The following ZMYM2 variants were observed in gnomAD, a reference collection of about 807,000 sequenced individuals.
ZMYM2 encodes the protein zinc finger MYM-type containing 2.
In ZMYM2, 56 loss-of-function variants were observed where a neutral mutation model predicts 162.8. The observed-to-expected ratio is 0.34, with a 90% confidence interval of 0.28 to 0.43. The LOEUF (loss-of-function observed/expected upper bound fraction) is 0.43. Ranked by LOEUF, ZMYM2 falls within the 20% of genes least tolerant of loss-of-function variation. The pLI, the probability that ZMYM2 is intolerant of heterozygous loss-of-function variation, is 1.00. For synonymous variants in ZMYM2, 510 were observed against 541.6 expected (o/e 0.94, Z 0.81); for missense variants, 1,275 against 1,621.8 (o/e 0.79, Z 3.67).
the ZMYM2 span, among the ~76,000 whole-genome samples, chr13:19,911,868 A>G: frequency 6.6e-6 from 1 of 152,244 alleles, no homozygotes; most frequent in Non-Finnish European, 1.5e-5. Context: ...ATCATAAAGC[A>G]AAAGCAAAAA....
chr13:20,073,256 G>C (rs1957226898), intron 21 of ZMYM2, among the ~76,000 whole-genome samples: 1 of 152,056 alleles, frequency 6.6e-6, no homozygotes, highest in Non-Finnish European at 1.5e-5. Flanking sequence ...CAACTTTTTC[G>C]TAAAGGGCAA....
the ZMYM2 span, among the ~76,000 whole-genome samples, chr13:19,885,956 T>TATATGTGTATACAC: frequency 2.6e-5 from 2 of 77,808 alleles, 1 homozygote; most frequent in African/African-American, 7.9e-5. Flanking sequence ...TATATACACA[T>TATATGTGTATACAC]ATATATGTGT....
At chr13:19,935,971 T>C in the ZMYM2 span, among the ~76,000 whole-genome samples, 3 of 152,226 alleles carry the variant, frequency 2.0e-5, no homozygotes, top group African/African-American at 4.8e-5. Context: ...CAGAAAACGT[T>C]ATGCTAGTAA....
the ZMYM2 span, among the ~76,000 whole-genome samples, chr13:19,946,623 T>C: frequency 6.6e-6 from 1 of 152,238 alleles, no homozygotes; most frequent in African/African-American, 2.4e-5. Flanking sequence ...GTAGAGAGTA[T>C]ACATCCCATG....
chr13:19,883,963 C>T, the ZMYM2 span, among the ~76,000 whole-genome samples: 49 of 152,262 alleles, frequency 3.2e-4, no homozygotes, highest in Admixed American at 6.5e-4. Flanking sequence ...CACCATGTTG[C>T]GCAGAATGGT....
chr13:19,881,388 G>C, the ZMYM2 span, among the ~76,000 whole-genome samples: 2 of 151,990 alleles, frequency 1.3e-5, no homozygotes, highest in African/African-American at 4.8e-5. Context: ...CTGGGAGGCT[G>C]AGGTGGGCGG....
At chr13:20,019,468 T>C in intron 6 of ZMYM2, 79 bp from the exon 7 acceptor site, 1 of 1,263,992 alleles carries the variant, frequency 7.9e-7, no homozygotes. Context: ...AAGCAACTTT[T>C]ACATAATGCT....
chr13:19,909,141 T>G, the ZMYM2 span, among the ~76,000 whole-genome samples: 1 of 152,242 alleles, frequency 6.6e-6, no homozygotes, highest in African/African-American at 2.4e-5. Flanking sequence ...TTTATGTTTA[T>G]ATAATTTTTT....
the ZMYM2 span, among the ~76,000 whole-genome samples, chr13:19,867,775 G>A: frequency 7.2e-5 from 11 of 152,072 alleles, no homozygotes; most frequent in Admixed American, 5.9e-4. Context: ...ACAGGCATGC[G>A]CCACCACGTC....
chr13:19,938,910 G>T, the ZMYM2 span, among the ~76,000 whole-genome samples: 1 of 151,528 alleles, frequency 6.6e-6, no homozygotes, highest in African/African-American at 2.4e-5. Flanking sequence ...TGCCCAGTGG[G>T]AACTCTCATT....
chr13:19,940,752 G>A, the ZMYM2 span, among the ~76,000 whole-genome samples: 1 of 152,120 alleles, frequency 6.6e-6, no homozygotes, highest in Non-Finnish European at 1.5e-5. Flanking sequence ...GGATGAAAAT[G>A]TATATTTTTC....
At chr13:19,946,177 A>G in the ZMYM2 span, among the ~76,000 whole-genome samples, 1 of 152,244 alleles carries the variant, frequency 6.6e-6, no homozygotes, top group African/African-American at 2.4e-5. Context: ...CCCTACGACA[A>G]TTCCCCACAA....
At position 19,987,649 on chromosome 13, in the gene ZMYM2, GTGTGTGTGTA is replaced by G. The variant is rs1555288040; in HGVS notation, c.-10-5412_-10-5403del. Among the ~76,000 whole-genome samples, 80 of 149,804 alleles carry G rather than the reference GTGTGTGTGTA, an allele frequency of 5.3e-4. No individual in the cohort carries two copies. In the Middle Eastern group the frequency reaches 0.01, roughly 19 times the overall value. On this transcript the variant is annotated intron_variant, in intron 2 of 24. Transcript: ENST00000610343. ...TGTGTGTGTGTGTGTGTGTGTGTGT[GTGTGTGTGTA>G]TAGGAAAGATGGGGTTTTGTCATGT...
At position 20,027,230 on chromosome 13, in the gene ZMYM2, A is replaced by G; in HGVS notation, c.1763A>G (p.Lys588Arg). 1 of 1,580,790 alleles carries G rather than the reference A, an allele frequency of 6.3e-7. No homozygotes were observed. The highest frequency in any genetic ancestry group is 8.6e-7 in the Non-Finnish European group (1 of 1,161,696). ...TTGGGAATTATTTGCCATTTTTGTAAGCGAAACTCTTTACCTCAATACCAA... is the reference window on the plus strand; with the variant it reads ...TTGGGAATTATTTGCCATTTTTGTAGGCGAAACTCTTTACCTCAATACCAA... ...QSLGIICHFC[K>R]RNSLPQYQAT... Residue 588 changes from lysine (K) to arginine (R), a missense_variant, in exon 9 of 25, where the codon AAG becomes AGG. Around this residue, in one of 10 missense-constraint regions of ZMYM2, gnomAD observed 276 missense variants for 311.8 expected, o/e 0.89. Coordinates refer to ENST00000610343, the MANE Select transcript of ZMYM2 (RefSeq NM_197968.4).
At chr13:19,998,693 C>A (rs74035456) in intron 3 of ZMYM2, among the ~76,000 whole-genome samples, 1 of 152,062 alleles carries the variant, frequency 6.6e-6, no homozygotes. Context: ...GTTTTTGTTT[C>A]TCCAACTAAG....
chr13:19,957,258 A>G (rs988951779), upstream of ZMYM2, among the ~76,000 whole-genome samples: 2 of 152,214 alleles, frequency 1.3e-5, no homozygotes, highest in Admixed American at 1.3e-4. Flanking sequence ...TAAAAACTTC[A>G]TGTTCATCAA....
chr13:20,062,749 G>T, intron 17 of ZMYM2, 97 bp from the exon 18 acceptor site: 13 of 1,185,074 alleles, frequency 1.1e-5, no homozygotes, highest in African/African-American at 3.1e-5. Flanking sequence ...TTTTTATATT[G>T]CATTTAAAAT....
the ZMYM2 span, among the ~76,000 whole-genome samples, chr13:19,953,446 A>C: frequency 3.3e-5 from 5 of 152,210 alleles, no homozygotes; most frequent in African/African-American, 4.8e-5. Flanking sequence ...GCACTTTGGG[A>C]GGCTGAGGCG....
intron 4 of ZMYM2, 149 bp downstream of exon 4, chr13:20,003,284 A>G (rs1234566275): frequency 1.0e-5 from 9 of 899,432 alleles, no homozygotes; most frequent in Admixed American, 2.9e-5. Context: ...TTTGGATGGC[A>G]TTGGAGTTGA....
Sources: allele counts gnomAD v4.1 joint callset (sites outside exome capture counted in the v4.1 genomes callset), GRCh38; gene constraint gnomAD v4.1.1; regional missense constraint gnomAD v4.1.1; transcripts MANE v1.5; gene names NCBI Gene and HGNC (gene_info 2026-07-23, HGNC 2026-07-21).